The following TFAP2B variants were observed in gnomAD, a reference collection of about 807,000 sequenced individuals.
TFAP2B encodes transcription factor AP-2 beta.
TFAP2B carries 9 observed loss-of-function variants against 44.3 expected under a neutral mutation model. The observed-to-expected ratio is 0.20, with a 90% CI of 0.12 to 0.35. The LOEUF is 0.35. Ranked by LOEUF, TFAP2B falls within the 10% of genes least tolerant of loss-of-function variation. The probability of loss-of-function intolerance (pLI) is 1.00; values close to 1 mark genes in which losing one functional copy is unlikely to be tolerated. For missense variants in TFAP2B, 509 were observed against 600.0 expected (o/e 0.85, Z 1.59); for synonymous variants, 270 against 263.8 (o/e 1.02, Z -0.23).
At chr6:50,825,866 T>A (rs1402688009) in intron 2 of TFAP2B, among the ~76,000 whole-genome samples, 1 of 152,102 alleles carries the variant, frequency 6.6e-6, no homozygotes, top group African/African-American at 2.4e-5. Flanking sequence ...GGACGACCCC[T>A]ATAGTGCAAG....
intron 3 of TFAP2B, among the ~76,000 whole-genome samples, chr6:50,835,814 G>C (rs767900373): frequency 2.0e-5 from 3 of 152,202 alleles, no homozygotes; most frequent in Non-Finnish European, 4.4e-5. Context: ...TTTGGGTAGT[G>C]AGCAGGACTG....
rs1762815942 is a variant in TFAP2B at position 50,844,968 on chromosome 6, C to T, written c.*1576C>T. The T allele has an allele frequency of 6.6e-6, 1 of 152,234 alleles. No homozygotes were observed. Among genetic ancestry groups the T allele is most frequent in the Non-Finnish European group, 1.5e-5 (1 of 68,048 alleles). 9.4% of individuals were successfully genotyped at this position (152,234 alleles called of 1,614,324 possible). Reference sequence around the variant, plus strand: ...AGCTTTGATTTTTACCGTCTGGATACATCGGGACTATTCCCAGTGGATAAA... The same window carrying T: ...AGCTTTGATTTTTACCGTCTGGATATATCGGGACTATTCCCAGTGGATAAA... On this transcript the variant is annotated 3_prime_UTR_variant, in exon 7 of 7. Coordinates refer to ENST00000393655, the MANE Select transcript of TFAP2B (RefSeq NM_003221.4).
chr6:50,830,483 T>G (rs1770643623), intron 3 of TFAP2B, among the ~76,000 whole-genome samples: 1 of 152,172 alleles, frequency 6.6e-6, no homozygotes, highest in South Asian at 2.1e-4. Context: ...GGTTCTGTTT[T>G]TGGAAACAGA....
intron 2 of TFAP2B, among the ~76,000 whole-genome samples, chr6:50,826,569 G>A (rs1260237524): frequency 4.3e-5 from 6 of 138,956 alleles, no homozygotes; most frequent in African/African-American, 1.4e-4. Flanking sequence ...GTGCATGAGC[G>A]CGCGCGCGCG....
rs1451110599 is a variant in TFAP2B, at chr6:50,823,368, C to G, written c.82-39C>G. On this transcript the variant is annotated intron_variant, in intron 1 of 6. Coordinates refer to ENST00000393655, the MANE Select transcript of TFAP2B (RefSeq NM_003221.4). ...GCCTCTATCTCTCTTTCTCTGTCTCCTTCTCTGGCTCTCTTCCCCTTCCTC... is the reference window on the plus strand; with the variant it reads ...GCCTCTATCTCTCTTTCTCTGTCTCGTTCTCTGGCTCTCTTCCCCTTCCTC... The G allele has an allele frequency of 2.0e-6, 3 of 1,515,460 alleles. No homozygotes were observed. In the African/African-American group the frequency reaches 4.2e-5, roughly 21 times the overall value. The allele number at this position is 1,515,460 out of a possible 1,614,324, so 93.9% of individuals were successfully genotyped here. A position where few individuals can be genotyped will look rare whatever the true frequency, so the allele number is the denominator to read the frequency against.
At chr6:50,822,243 G>A in intron 1 of TFAP2B, 1 of 1,116,712 alleles carries the variant, frequency 9.0e-7, no homozygotes, top group Non-Finnish European at 1.2e-6. Flanking sequence ...GTGTGTGTGT[G>A]TGTCTCACAC....
At chr6:50,842,952 A>C in intron 6 of TFAP2B, 140 bp from the exon 7 acceptor site, 1 of 1,206,796 alleles carries the variant, frequency 8.3e-7, no homozygotes, top group Non-Finnish European at 1.2e-6. Flanking sequence ...GCGCTGGGAA[A>C]GGAAACAGAG....
intron 2 of TFAP2B, 95 bp from the exon 3 acceptor site, chr6:50,828,524 G>T: frequency 9.5e-7 from 1 of 1,055,450 alleles, no homozygotes; most frequent in Non-Finnish European, 1.5e-6. Context: ...AATATAAATG[G>T]AAATAACAGA....
In TFAP2B at chr6:50,836,206, T is replaced by A. The variant is rs1561964220; in HGVS notation, c.747T>A (p.Thr249=). ...LLSSTSKYKV[T]VGEVQRRLSP... is the part of the protein sequence containing the mutation. ...GTTCAACTTCGAAGTACAAAGTAACTGTGGGAGAAGTTCAGAGACGGCTGT... is the reference window on the plus strand; with the variant it reads ...GTTCAACTTCGAAGTACAAAGTAACAGTGGGAGAAGTTCAGAGACGGCTGT... The change falls in exon 4 of 7, where the codon ACT becomes ACA. Residue 249 remains threonine, a synonymous_variant. Coordinates refer to ENST00000393655, the MANE Select transcript of TFAP2B (RefSeq NM_003221.4). 6.2e-7 allele frequency: 1 copy of A among 1,613,710 alleles called. No individual in the cohort carries two copies. The highest frequency in any genetic ancestry group is 1.7e-5 in the Admixed American group (1 of 60,026).
In TFAP2B at chr6:50,846,811, T is replaced by C. The variant is rs1762859355; in HGVS notation, c.*3419T>C. The C allele has an allele frequency of 6.6e-6, 1 of 152,580 alleles. No homozygotes were observed. Among genetic ancestry groups the C allele is most frequent in the South Asian group, 2.1e-4 (1 of 4,826 alleles). 9.5% of individuals were successfully genotyped at this position (152,580 alleles called of 1,614,324 possible). On this transcript the variant is annotated 3_prime_UTR_variant, in exon 7 of 7. Transcript: ENST00000393655. ...CTCCTACACCCCCAATTACCTTGCA[T>C]TTTCTTTCCTTCCTTCTGGCCTCCA...
At chr6:50,835,465 C>T (rs536217282) in intron 3 of TFAP2B, among the ~76,000 whole-genome samples, 3 of 152,296 alleles carry the variant, frequency 2.0e-5, no homozygotes, top group East Asian at 3.9e-4. Context: ...GGCCCAGCTC[C>T]CCAGCTCAAT....
chr6:50,829,783 G>A (rs1020475752), intron 3 of TFAP2B, among the ~76,000 whole-genome samples: 5 of 152,198 alleles, frequency 3.3e-5, no homozygotes, highest in African/African-American at 1.2e-4. Context: ...TCCAAACAGG[G>A]TGAGGTATTC....
chr6:50,822,267 C>G (rs952243809), intron 1 of TFAP2B: 1 of 1,040,056 alleles, frequency 9.6e-7, no homozygotes. Context: ...CTGTCTCTCT[C>G]TGTCTTCCTT....
intron 1 of TFAP2B, 94 bp from the exon 2 acceptor site, chr6:50,823,313 T>C (rs1357138957): frequency 8.1e-6 from 9 of 1,104,974 alleles, no homozygotes; most frequent in Non-Finnish European, 1.2e-5. Flanking sequence ...GTATTTTTTT[T>C]CTTCCTCTCT....
At chr6:50,838,846 C>T (rs2817410) in intron 5 of TFAP2B, among the ~76,000 whole-genome samples, 2 of 152,104 alleles carry the variant, frequency 1.3e-5, no homozygotes, top group South Asian at 2.1e-4. Context: ...GTCAGATGGT[C>T]CTAATGGAGG....
chr6:50,822,046 T>A (rs1770365908), intron 1 of TFAP2B: 1 of 912,286 alleles, frequency 1.1e-6, no homozygotes, highest in Non-Finnish European at 1.6e-6. Context: ...GCTCAGCTCC[T>A]GTGTCCAGCT....
At chr6:50,819,013 T>A in intron 1 of TFAP2B, 41 bp downstream of exon 1, 1 of 1,576,206 alleles carries the variant, frequency 6.3e-7, no homozygotes, top group Non-Finnish European at 8.7e-7. Context: ...GCTTTGCAGA[T>A]AGAGAATTTG....
At position 50,845,569 on chromosome 6, in the gene TFAP2B, G is replaced by A. The variant is rs1762829047; in HGVS notation, c.*2177G>A. The A allele has an allele frequency of 6.5e-6, 1 of 152,784 alleles. No homozygotes were observed. Among genetic ancestry groups the A allele is most frequent in the Non-Finnish European group, 1.5e-5 (1 of 68,172 alleles). 9.5% of individuals were successfully genotyped at this position (152,784 alleles called of 1,614,324 possible). A position where few individuals can be genotyped will look rare whatever the true frequency, so the allele number is the denominator to read the frequency against. ...CCAAGAGCTAGACGTTACGGAGAGT[G>A]TAGTCACTCTCTTTTCCCAGCTCAG... On this transcript the variant is annotated 3_prime_UTR_variant, in exon 7 of 7. Coordinates refer to ENST00000393655, the MANE Select transcript of TFAP2B (RefSeq NM_003221.4).
At chr6:50,835,571 G>A (rs1225507804) in intron 3 of TFAP2B, among the ~76,000 whole-genome samples, 3 of 152,208 alleles carry the variant, frequency 2.0e-5, no homozygotes, top group Non-Finnish European at 4.4e-5. Flanking sequence ...AATAGGAAAG[G>A]AGGAAGGGGT....
Sources: gnomAD v4.1 joint callset for allele counts (sites outside exome capture counted in the v4.1 genomes callset) on GRCh38, gnomAD v4.1.1 for gene constraint, MANE v1.5 for transcripts, NCBI Gene and HGNC (gene_info 2026-07-23, HGNC 2026-07-21) for gene names.